The following CADM2 variants were observed in gnomAD, a reference collection of about 807,000 sequenced individuals.
The protein encoded by CADM2 is cell adhesion molecule 2.
CADM2 carries 12 observed loss-of-function variants against 49.8 expected under a neutral mutation model. That is an observed-to-expected ratio of 0.24 (90% confidence interval 0.15 to 0.39). CADM2 has a LOEUF of 0.39. Ranked by LOEUF, CADM2 falls within the 10% of genes least tolerant of loss-of-function variation. The pLI is 1.00. For synonymous variants in CADM2, 214 were observed against 175.4 expected, an observed-to-expected ratio of 1.22 and a Z score of -1.74; for missense variants, 378 against 492.3, an observed-to-expected ratio of 0.77 and a Z score of 2.20.
intron 1 of CADM2, among the ~76,000 whole-genome samples, chr3:85,569,270 C>T (rs936412837): frequency 2.0e-5 from 3 of 152,040 alleles, no homozygotes; most frequent in Admixed American, 6.6e-5. Context: ...AATTGTTGCA[C>T]CTATCAGCGG....
intron 1 of CADM2, among the ~76,000 whole-genome samples, chr3:85,251,262 T>C (rs1576212915): frequency 2.0e-5 from 3 of 151,906 alleles, no homozygotes; most frequent in African/African-American, 4.8e-5. Context: ...AATTTTACCT[T>C]CTCTAAACTT....
intron 2 of CADM2, among the ~76,000 whole-genome samples, chr3:85,733,232 A>G (rs1384996297): frequency 6.6e-6 from 1 of 152,222 alleles, no homozygotes; most frequent in East Asian, 1.9e-4. Context: ...GTTCTAGAAA[A>G]GCTTCAGGCA....
chr3:85,067,598 C>T (rs1046073195), intron 1 of CADM2, among the ~76,000 whole-genome samples: 9 of 152,050 alleles, frequency 5.9e-5, no homozygotes, highest in Non-Finnish European at 7.4e-5. Context: ...GTTACCTCTG[C>T]GAACTATCAC....
At chr3:85,283,313 T>G (rs1368996008) in intron 1 of CADM2, among the ~76,000 whole-genome samples, 6 of 151,808 alleles carry the variant, frequency 4.0e-5, no homozygotes. Context: ...ATTTAGAAAG[T>G]TAAAATATTG....
At chr3:85,972,033 G>A (rs1043955455) in intron 8 of CADM2, among the ~76,000 whole-genome samples, 1 of 151,466 alleles carries the variant, frequency 6.6e-6, no homozygotes, top group African/African-American at 2.4e-5. Context: ...AAGCAGATGG[G>A]GTTACTATAT....
chr3:85,931,770 A>C (rs1274140346), intron 6 of CADM2, among the ~76,000 whole-genome samples: 1 of 152,120 alleles, frequency 6.6e-6, no homozygotes, highest in East Asian at 1.9e-4. Context: ...ACTTGATAAA[A>C]ATAAAATTGG....
At chr3:85,503,289 G>A (rs1445069341) in intron 1 of CADM2, among the ~76,000 whole-genome samples, 1 of 152,134 alleles carries the variant, frequency 6.6e-6, no homozygotes, top group Non-Finnish European at 1.5e-5. Context: ...GCATGCTTCT[G>A]TTGGAAAATA....
intron 8 of CADM2, among the ~76,000 whole-genome samples, chr3:86,018,720 G>C (rs1177748478): frequency 6.6e-6 from 1 of 152,190 alleles, no homozygotes; most frequent in African/African-American, 2.4e-5. Context: ...TTTTTGATGG[G>C]GTTGTTTGGT....
chr3:85,972,286 G>C (rs550537640), intron 8 of CADM2, among the ~76,000 whole-genome samples: 2 of 151,578 alleles, frequency 1.3e-5, no homozygotes, highest in Non-Finnish European at 3.0e-5. Context: ...TAGTAGTAAG[G>C]AAAACTACCC....
intron 1 of CADM2, among the ~76,000 whole-genome samples, chr3:85,726,012 A>G (rs566217485): frequency 1.3e-5 from 2 of 152,056 alleles, no homozygotes; most frequent in South Asian, 4.1e-4. Context: ...TTCCACATCT[A>G]TGAGGAAGGG....
intron 1 of CADM2, among the ~76,000 whole-genome samples, chr3:85,167,428 A>T (rs765220740): frequency 2.3e-4 from 35 of 152,114 alleles, no homozygotes; most frequent in Non-Finnish European, 4.6e-4. Context: ...TAGATCCCTA[A>T]TTTTATTAAT....
chr3:85,884,766 C>T (rs1254642225), intron 4 of CADM2, among the ~76,000 whole-genome samples: 1 of 149,470 alleles, frequency 6.7e-6, no homozygotes, highest in African/African-American at 2.5e-5. Flanking sequence ...CACTCTGTAG[C>T]CTGGCTGGAG....
At chr3:85,083,549 G>A (rs1367868624) in intron 1 of CADM2, among the ~76,000 whole-genome samples, 2 of 152,040 alleles carry the variant, frequency 1.3e-5, no homozygotes, top group East Asian at 3.9e-4. Context: ...TTAATGAAGT[G>A]CTGTCAATGA....
intron 6 of CADM2, among the ~76,000 whole-genome samples, chr3:85,933,089 C>T (rs1720796347): frequency 6.6e-6 from 1 of 152,104 alleles, no homozygotes; most frequent in African/African-American, 2.4e-5. Context: ...CAGCTGCCTG[C>T]CACTATGTAA....
intron 1 of CADM2, among the ~76,000 whole-genome samples, chr3:85,185,144 A>T (rs1314721426): frequency 6.6e-6 from 1 of 152,078 alleles, no homozygotes; most frequent in African/African-American, 2.4e-5. Flanking sequence ...GAAAAATAGA[A>T]CCCACAAGGC....
intron 1 of CADM2, among the ~76,000 whole-genome samples, chr3:85,418,531 A>G (rs144682751): frequency 6.6e-6 from 1 of 152,292 alleles, no homozygotes; most frequent in African/African-American, 2.4e-5. Context: ...TTATAGTTCA[A>G]GGTTTCATCC....
At chr3:85,465,358 C>A (rs1452198338) in intron 1 of CADM2, among the ~76,000 whole-genome samples, 2 of 152,014 alleles carry the variant, frequency 1.3e-5, no homozygotes, top group Non-Finnish European at 2.9e-5. Flanking sequence ...TACCATCGAC[C>A]ACCTGGGAAT....
intron 8 of CADM2, among the ~76,000 whole-genome samples, chr3:86,064,644 A>T (rs1739095915): frequency 1.3e-5 from 2 of 152,170 alleles, no homozygotes; most frequent in Non-Finnish European, 2.9e-5. Flanking sequence ...GTCTTCCACA[A>T]TGAAAAAATG....
chr3:85,034,228 A>G (rs1365495662), intron 1 of CADM2, among the ~76,000 whole-genome samples: 1 of 152,080 alleles, frequency 6.6e-6, no homozygotes, highest in Admixed American at 6.5e-5. Context: ...TATTCATTCT[A>G]TCTAACTATA....
Sources: allele counts gnomAD v4.1 joint callset (sites outside exome capture counted in the v4.1 genomes callset), GRCh38; gene constraint gnomAD v4.1.1; transcripts MANE v1.5; gene names NCBI Gene and HGNC (gene_info 2026-07-23, HGNC 2026-07-21).